DENND6B: variants seen among roughly 807,000 people sequenced by gnomAD.
The protein encoded by DENND6B is protein DENND6B.
Under a neutral mutation model 85.1 loss-of-function variants are expected in DENND6B, and 73 were observed. The observed-to-expected ratio is 0.86, with a 90% CI of 0.71 to 1.04. The LOEUF (loss-of-function observed/expected upper bound fraction) is 1.04, where lower values mean the gene tolerates loss of function less well. Among genes scored for constraint, DENND6B ranks in the 50% least tolerant of loss-of-function variants. The pLI is 0.00. For synonymous variants in DENND6B, 357 were observed against 329.3 expected (o/e 1.08, Z -0.91); for missense variants, 715 against 785.8 (o/e 0.91, Z 1.08).
chr22:50,318,202 G>C (rs1156751273), intron 3 of DENND6B, among the ~76,000 whole-genome samples, 182 bp from the exon 4 acceptor site: 1 of 152,216 alleles, frequency 6.6e-6, no homozygotes. Context: ...AATTAGCCAG[G>C]CATGGTGGCA....
In DENND6B at chr22:50,313,450, C is replaced by T; in HGVS notation, c.1343G>A (p.Trp448Ter). The T allele has an allele frequency of 6.5e-7, 1 of 1,539,468 alleles. No individual in the cohort carries two copies. Among genetic ancestry groups the T allele is most frequent in the Non-Finnish European group, 8.7e-7 (1 of 1,143,964 alleles). The change falls in exon 16 of 20, where the codon TGG becomes TAG. Residue 448 changes from tryptophan to a stop codon, truncating the protein, a stop_gained. Transcript: ENST00000413817. LOFTEE classifies it high-confidence loss of function. ...AAACCCCCACAGGACCCCCACCTTCCAGGGCGTGATGCTCTTCTGCAGGGG... is the reference window on the plus strand; with the variant it reads ...AAACCCCCACAGGACCCCCACCTTCTAGGGCGTGATGCTCTTCTGCAGGGG... ...LMPLQKSITP[W>*]KTPPQIQPFS...
At position 50,313,671 on chromosome 22, in the gene DENND6B, G is replaced by A. The variant is rs768992322; in HGVS notation, c.1257C>T (p.His419=). ...SDVQSALLRR[H]LLELTQSFII... is the part of the protein sequence containing the mutation. ...TGAAGCTCTGGGTGAGCTCCAGGAG[G>A]TGCCGCCGCAGCAGGGCGCTCTGCA... The change falls in exon 15 of 20, where the codon CAC becomes CAT. Residue 419 remains histidine (H), a synonymous_variant. Transcript: ENST00000413817. 6.3e-7 allele frequency: 1 copy of A among 1,597,866 alleles called. No homozygotes were observed. The highest frequency in any genetic ancestry group is 1.7e-5 in the Admixed American group (1 of 57,906).
chr22:50,313,916 G>GGCCTCCC lies in DENND6B; in HGVS notation c.1139-45_1139-39dup, dbSNP rs1569197225. On this transcript the variant is annotated intron_variant, in intron 13 of 19. Coordinates refer to ENST00000413817, the MANE Select transcript of DENND6B (RefSeq NM_001001794.4). ...CACAGCTGGCGCCCCACCCTTCAAGGGCCTCCCTCCCACACTCCTGCAGCC... is the reference window on the plus strand; with the variant it reads ...CACAGCTGGCGCCCCACCCTTCAAGGGCCTCCCGCCTCCCTCCCACACTCCTGCAGCC... 3.8e-6 allele frequency: 6 copies of GGCCTCCC among 1,575,696 alleles called. No individual in the cohort carries two copies. In the South Asian group the frequency reaches 5.8e-5, roughly 15 times the overall value.
intron 1 of DENND6B, among the ~76,000 whole-genome samples, chr22:50,323,575 T>G (rs1269405584): frequency 2.0e-5 from 3 of 151,756 alleles, no homozygotes; most frequent in African/African-American, 7.3e-5. Context: ...CATGAAACAC[T>G]GTGCCCGGCC....
chr22:50,326,184 C>T (rs1174560622), intron 1 of DENND6B, among the ~76,000 whole-genome samples: 2 of 152,244 alleles, frequency 1.3e-5, no homozygotes, highest in Non-Finnish European at 2.9e-5. Flanking sequence ...AAGACCACAT[C>T]GAAAGCCCAT....
chr22:50,317,812 C>T, intron 4 of DENND6B, 96 bp downstream of exon 4: 13 of 1,271,202 alleles, frequency 1.0e-5, no homozygotes, highest in Non-Finnish European at 1.4e-5. Flanking sequence ...ACACAGGGCC[C>T]AGGCACTCTG....
chr22:50,321,594 C>T (rs1257796148), intron 1 of DENND6B, among the ~76,000 whole-genome samples: 2 of 152,040 alleles, frequency 1.3e-5, no homozygotes, highest in Non-Finnish European at 2.9e-5. Flanking sequence ...GAACTTCTAA[C>T]CTCGTGATCC....
chr22:50,323,746 T>C (rs1248007988), intron 1 of DENND6B, among the ~76,000 whole-genome samples: 3 of 124,908 alleles, frequency 2.4e-5, no homozygotes, highest in Non-Finnish European at 5.3e-5. Flanking sequence ...TTTTTTTTAA[T>C]TTTGTTTTGA....
intron 1 of DENND6B, among the ~76,000 whole-genome samples, chr22:50,322,906 A>C (rs2042091146): frequency 1.3e-5 from 2 of 149,174 alleles, no homozygotes; most frequent in African/African-American, 5.0e-5. Flanking sequence ...GCTGGAGTGC[A>C]GTGGCACAAT....
intron 1 of DENND6B, among the ~76,000 whole-genome samples, chr22:50,319,855 C>T (rs555561586): frequency 1.0e-3 from 160 of 152,384 alleles, no homozygotes; most frequent in African/African-American, 3.5e-3. Flanking sequence ...ACAAGGCCTG[C>T]ACCCCCAGGA....
At position 50,315,394 on chromosome 22, in the gene DENND6B, C is replaced by T. The variant is rs529585942; in HGVS notation, c.758+320G>A. Among the ~76,000 whole-genome samples the T allele has an allele frequency of 1.0e-3, 157 of 152,346 alleles. No individual in the cohort carries two copies. The Middle Eastern group carries it at 0.017, about 17-fold the overall frequency. ...CAGTGAATCTCTCCTGACAGCCTCT[C>T]CTTGACACCTGTCTTTCAGAACCTC... On this transcript the variant is annotated intron_variant, in intron 9 of 19. Coordinates refer to ENST00000413817, the MANE Select transcript of DENND6B (RefSeq NM_001001794.4).
At position 50,313,616 on chromosome 22, in the gene DENND6B, C is replaced by T; in HGVS notation, c.1293+19G>A. 6.5e-7 allele frequency: 1 copy of T among 1,544,302 alleles called. No homozygotes were observed. Among genetic ancestry groups the T allele is most frequent in the Non-Finnish European group, 8.7e-7 (1 of 1,146,786 alleles). ...GCCCCGTGCCCCCCAGTCCCATGTC[C>T]CCCAGCCCCGGGCCTCACCAGGGGG... On this transcript the variant is annotated intron_variant, in intron 15 of 19. Coordinates refer to ENST00000413817, the MANE Select transcript of DENND6B (RefSeq NM_001001794.4).
At chr22:50,323,721 C>CTTTTTTTTTTT (rs146060526) in intron 1 of DENND6B, among the ~76,000 whole-genome samples, 2 of 104,630 alleles carry the variant, frequency 1.9e-5, no homozygotes, top group African/African-American at 3.9e-5. Flanking sequence ...CACGCCTAGC[C>CTTTTTTTTTTT]TTTTTTTTTT....
chr22:50,318,704 G>C (rs2041938354), intron 3 of DENND6B, 143 bp downstream of exon 3: 2 of 1,210,170 alleles, frequency 1.7e-6, no homozygotes, highest in Admixed American at 2.2e-5. Flanking sequence ...TGCCTCCACG[G>C]AGTGGGCATG....
In DENND6B at chr22:50,318,092, G is replaced by A. The variant is rs563828504; in HGVS notation, c.260-72C>T. The stretch of plus-strand genomic sequence containing the variant: ...TCTGCAGGCCCTGGAGCTGGTGACC[G>A]GGGAGCAAGGGCCCTGCGAGCCTGG... On this transcript the variant is annotated intron_variant, in intron 3 of 19. Coordinates refer to ENST00000413817, the MANE Select transcript of DENND6B (RefSeq NM_001001794.4). The A allele has an allele frequency of 7.6e-5, 113 of 1,486,370 alleles. 1 individual carries two copies. The East Asian group carries it at 8.9e-4, about 12-fold the overall frequency. 92.1% of individuals were successfully genotyped at this position (1,486,370 alleles called of 1,614,324 possible).
chr22:50,319,159 G>A, intron 1 of DENND6B, 156 bp from the exon 2 acceptor site: 1 of 1,529,588 alleles, frequency 6.5e-7, no homozygotes, highest in Non-Finnish European at 8.7e-7. Flanking sequence ...CCTGCTCCCT[G>A]TTCCAACAGC....
Position 50,311,016 on chromosome 22 carries a change from G to A in DENND6B, c.*1123C>T, listed in dbSNP as rs1374339354. The stretch of plus-strand genomic sequence containing the variant: ...GGCCAGCACCCGCCCGGCCTCACAG[G>A]GTACAAAGCCCAGTCTCCATGAGTG... On this transcript the variant is annotated 3_prime_UTR_variant, in exon 20 of 20. Coordinates refer to ENST00000413817, the MANE Select transcript of DENND6B (RefSeq NM_001001794.4). The A allele has an allele frequency of 6.6e-6, 1 of 152,206 alleles. No individual in the cohort carries two copies. Among genetic ancestry groups the A allele is most frequent in the Non-Finnish European group, 1.5e-5 (1 of 68,062 alleles). 9.4% of individuals were successfully genotyped at this position (152,206 alleles called of 1,614,324 possible).
intron 1 of DENND6B, among the ~76,000 whole-genome samples, chr22:50,326,247 TGGAGGGACGGG>T (rs2042186186): frequency 6.6e-6 from 1 of 152,028 alleles, no homozygotes; most frequent in African/African-American, 2.4e-5. Context: ...AAGACGCAGG[TGGAGGGACGGG>T]GCCCATGGGG....
At chr22:50,320,879 C>T (rs1458809761) in intron 1 of DENND6B, among the ~76,000 whole-genome samples, 1 of 152,218 alleles carries the variant, frequency 6.6e-6, no homozygotes, top group African/African-American at 2.4e-5. Flanking sequence ...CCAGGGAAAG[C>T]CACATTCTCA....
Sources: allele counts gnomAD v4.1 joint callset (sites outside exome capture counted in the v4.1 genomes callset), GRCh38; gene constraint gnomAD v4.1.1; transcripts MANE v1.5; gene names NCBI Gene and HGNC (gene_info 2026-07-23, HGNC 2026-07-21).